ST8SIA1: variants seen among roughly 807,000 people sequenced by gnomAD.
ST8SIA1 encodes the protein alpha-N-acetylneuraminide alpha-2,8-sialyltransferase.
Under a neutral mutation model 35.9 loss-of-function variants are expected in ST8SIA1, and 16 were observed. The ratio of observed to expected loss-of-function variants is 0.45; its 90% CI spans 0.30 to 0.68. The LOEUF (loss-of-function observed/expected upper bound fraction) is 0.68. Among genes scored for constraint, ST8SIA1 ranks in the 30% least tolerant of loss-of-function variants. The pLI is 0.09. For synonymous variants in ST8SIA1, 170 were observed against 169.6 expected (o/e 1.00, Z -0.02); for missense variants, 383 against 453.6 (o/e 0.84, Z 1.41).
chr12:22,298,472 G>A (rs1866274534), intron 1 of ST8SIA1, among the ~76,000 whole-genome samples: 1 of 152,116 alleles, frequency 6.6e-6, no homozygotes, highest in Non-Finnish European at 1.5e-5. Context: ...CTTTCTTATT[G>A]GTAGGGAGAA....
intron 4 of ST8SIA1, among the ~76,000 whole-genome samples, chr12:22,226,753 T>C (rs560133283): frequency 1.2e-4 from 19 of 152,186 alleles, no homozygotes; most frequent in Admixed American, 2.6e-4. Context: ...TTCTTTGCAA[T>C]TCTGCCTGCT....
intron 1 of ST8SIA1, among the ~76,000 whole-genome samples, chr12:22,295,850 G>T (rs1313323321): frequency 6.6e-6 from 1 of 152,206 alleles, no homozygotes; most frequent in Non-Finnish European, 1.5e-5. Context: ...TTTTAACAAA[G>T]TCTGCTTGTA....
intron 1 of ST8SIA1, among the ~76,000 whole-genome samples, chr12:22,310,958 G>C (rs1866441650): frequency 6.6e-6 from 1 of 152,028 alleles, no homozygotes; most frequent in Admixed American, 6.6e-5. Context: ...GTTTTCTTCA[G>C]CAAAGAAAAA....
At chr12:22,259,851 A>G (rs1283060190) in intron 2 of ST8SIA1, among the ~76,000 whole-genome samples, 5 of 152,184 alleles carry the variant, frequency 3.3e-5, no homozygotes, top group South Asian at 2.1e-4. Context: ...CAGTTTGGCA[A>G]TGGTCCATGT....
chr12:22,269,245 G>C (rs1409223260), intron 2 of ST8SIA1, among the ~76,000 whole-genome samples: 1 of 151,998 alleles, frequency 6.6e-6, no homozygotes, highest in Non-Finnish European at 1.5e-5. Flanking sequence ...TGAAATACAG[G>C]GTTGTTTTTT....
intron 4 of ST8SIA1, among the ~76,000 whole-genome samples, chr12:22,227,460 G>C (rs559176769): frequency 6.6e-6 from 1 of 151,982 alleles, no homozygotes; most frequent in African/African-American, 2.4e-5. Context: ...TGTAATCCCA[G>C]CTACTCGGGA....
chr12:22,249,515 C>T (rs948878748), intron 3 of ST8SIA1, among the ~76,000 whole-genome samples: 2 of 151,912 alleles, frequency 1.3e-5, no homozygotes, highest in Non-Finnish European at 2.9e-5. Flanking sequence ...CCACTGCACC[C>T]AGCCAGTAAC....
At position 22,195,202 on chromosome 12, in the gene ST8SIA1, AAAAAAAAAAAG is replaced by A. The variant is rs1864969510; in HGVS notation, c.*6339_*6349del. 6.9e-6 allele frequency: 1 copy of A among 144,724 alleles called. No individual in the cohort carries two copies. Among genetic ancestry groups the A allele is most frequent in the South Asian group, 2.4e-4 (1 of 4,238 alleles). 9.0% of individuals were successfully genotyped at this position (144,724 alleles called of 1,614,324 possible). The stretch of plus-strand genomic sequence containing the variant: ...CTCTGTCTCAACAAAAAAAAAAAAA[AAAAAAAAAAAG>A]AAAGAAAGAAAGAAAGGAAAAAGAA... On this transcript the variant is annotated 3_prime_UTR_variant, in exon 5 of 5. Transcript: ENST00000396037.
At chr12:22,226,226 T>C (rs1865356077) in intron 4 of ST8SIA1, among the ~76,000 whole-genome samples, 1 of 152,242 alleles carries the variant, frequency 6.6e-6, no homozygotes, top group South Asian at 2.1e-4. Flanking sequence ...TTTTAAAGAA[T>C]CATTCACATC....
intron 1 of ST8SIA1, among the ~76,000 whole-genome samples, chr12:22,317,423 T>C (rs1866534699): frequency 6.6e-6 from 1 of 152,206 alleles, no homozygotes; most frequent in Non-Finnish European, 1.5e-5. Flanking sequence ...GCTGGAGGGC[T>C]CTAGCTCAAG....
At chr12:22,215,095 T>C (rs766802193) in intron 4 of ST8SIA1, among the ~76,000 whole-genome samples, 4 of 152,142 alleles carry the variant, frequency 2.6e-5, no homozygotes, top group Non-Finnish European at 5.9e-5. Flanking sequence ...ATCATTCTCT[T>C]TGCCTACTCC....
At chr12:22,205,714 T>TC (rs1433868001) in intron 4 of ST8SIA1, among the ~76,000 whole-genome samples, 1 of 151,958 alleles carries the variant, frequency 6.6e-6, no homozygotes, top group Non-Finnish European at 1.5e-5. Flanking sequence ...GGCCAGGAGT[T>TC]CGAGACCAGC....
At chr12:22,332,005 A>G (rs1866772821) in intron 1 of ST8SIA1, among the ~76,000 whole-genome samples, 2 of 152,244 alleles carry the variant, frequency 1.3e-5, no homozygotes, top group Non-Finnish European at 2.9e-5. Flanking sequence ...TAGATAAACA[A>G]GAAAGCCAGG....
chr12:22,257,008 T>C (rs1865735795), intron 2 of ST8SIA1, among the ~76,000 whole-genome samples: 1 of 152,216 alleles, frequency 6.6e-6, no homozygotes, highest in South Asian at 2.1e-4. Flanking sequence ...GTGCCTACTA[T>C]GCGTCAGGCA....
At chr12:22,295,389 A>G (rs777179232) in intron 1 of ST8SIA1, among the ~76,000 whole-genome samples, 7 of 152,170 alleles carry the variant, frequency 4.6e-5, no homozygotes, top group Non-Finnish European at 7.3e-5. Context: ...TGTAAGTTTT[A>G]CAGGATATGG....
chr12:22,224,765 G>A (rs1865336932), intron 4 of ST8SIA1, among the ~76,000 whole-genome samples: 1 of 152,114 alleles, frequency 6.6e-6, no homozygotes, highest in African/African-American at 2.4e-5. Context: ...AATTTTTGTA[G>A]TCTGTTTCTT....
chr12:22,286,049 C>CA (rs1866097816), intron 2 of ST8SIA1, among the ~76,000 whole-genome samples: 1 of 152,046 alleles, frequency 6.6e-6, no homozygotes, highest in Non-Finnish European at 1.5e-5. Flanking sequence ...GAGATGGAGA[C>CA]AAAATTCAGT....
At chr12:22,301,712 CT>C (rs1050001498) in intron 1 of ST8SIA1, among the ~76,000 whole-genome samples, 2 of 152,158 alleles carry the variant, frequency 1.3e-5, no homozygotes, top group African/African-American at 4.8e-5. Context: ...CAATAAAAGC[CT>C]TTTGGGAAAG....
rs1394310974 is a variant in ST8SIA1 at position 22,195,417 on chromosome 12, T to C, written c.*6135A>G. 2.0e-5 allele frequency: 3 copies of C among 151,886 alleles called. No homozygotes were observed. The highest frequency in any genetic ancestry group is 4.9e-5 in the African/African-American group (2 of 41,096). 9.4% of individuals were successfully genotyped at this position (151,886 alleles called of 1,614,324 possible). A position where few individuals can be genotyped will look rare whatever the true frequency, so the allele number is the denominator to read the frequency against. Reference sequence around the variant, plus strand: ...ACTGCTTCCTCTAGCATCTTTTCTCTCTTTTTTTTTCTGTTTGTTGTTTTG... The same window carrying C: ...ACTGCTTCCTCTAGCATCTTTTCTCCCTTTTTTTTTCTGTTTGTTGTTTTG... On this transcript the variant is annotated 3_prime_UTR_variant, in exon 5 of 5. Coordinates refer to ENST00000396037, the MANE Select transcript of ST8SIA1 (RefSeq NM_003034.4).
Sources: gnomAD v4.1 joint callset for allele counts (sites outside exome capture counted in the v4.1 genomes callset) on GRCh38, gnomAD v4.1.1 for gene constraint, MANE v1.5 for transcripts, NCBI Gene and HGNC (gene_info 2026-07-23, HGNC 2026-07-21) for gene names.